Variants in S100A9 observed in about 807,000 individuals in gnomAD.
S100A9 encodes S100 calcium binding protein A9, also known as protein S100-A9.
A neutral mutation model predicts 4.3 loss-of-function variants in S100A9; 2 were observed. That is an observed-to-expected ratio of 0.47 (90% CI 0.19 to 1.48). The LOEUF is 1.48. Among genes scored for constraint, S100A9 ranks in the 40% most tolerant of loss-of-function variants. The probability of loss-of-function intolerance (pLI) is 0.24; values close to 1 mark genes in which losing one functional copy is unlikely to be tolerated. For synonymous variants in S100A9, 67 were observed against 54.0 expected (o/e 1.24, Z -1.06); for missense variants, 130 against 144.4 (o/e 0.90, Z 0.51).
chr1:153,358,529 T>A lies in S100A9; in HGVS notation c.150+96T>A, dbSNP rs1024828107. The A allele has an allele frequency of 5.8e-5, 60 of 1,034,788 alleles. No individual in the cohort carries two copies. In the African/African-American group the frequency reaches 9.0e-4, roughly 16 times the overall value. The allele number at this position is 1,034,788 out of a possible 1,614,324, so 64.1% of individuals were successfully genotyped here. A position where few individuals can be genotyped will look rare whatever the true frequency, so the allele number is the denominator to read the frequency against. ...TGGGCTACAGCAATCAAGGGGAAGA[T>A]TTGAGCTCCTGGAGCCCAGCCCCAA... On this transcript the variant is annotated intron_variant, in intron 2 of 2. Coordinates refer to ENST00000368738, the MANE Select transcript of S100A9 (RefSeq NM_002965.4).
chr1:153,360,683 G>A lies in S100A9; in HGVS notation c.190G>A (p.Glu64Lys), dbSNP rs749939191. The stretch of plus-strand genomic sequence containing the variant: ...TGAAAAGGTCATAGAACACATCATG[G>A]AGGACCTGGACACAAATGCAGACAA... ...KNEKVIEHIM[E>K]DLDTNADKQL... Residue 64 changes from glutamate to lysine, a missense_variant, in exon 3 of 3, where the codon GAG (glutamate) becomes AAG (lysine). Glu to Lys is a moderately conservative substitution (Grantham distance 56, BLOSUM62 1). Coordinates refer to ENST00000368738, the MANE Select transcript of S100A9 (RefSeq NM_002965.4). The A allele has an allele frequency of 5.0e-6, 8 of 1,613,838 alleles. No homozygotes were observed. Among genetic ancestry groups the A allele is most frequent in the Non-Finnish European group, 6.8e-6 (8 of 1,179,892 alleles).
chr1:153,360,984 G>A lies in S100A9; in HGVS notation c.*146G>A. On this transcript the variant is annotated 3_prime_UTR_variant, in exon 3 of 3. Transcript: ENST00000368738. ...TGTTATGTCAAACTGTCTTGGCTGT[G>A]GGGCTAGGGGCTGGGGCCAAATAAA... The A allele has an allele frequency of 1.6e-6, 1 of 623,546 alleles. No homozygotes were observed. The highest frequency in any genetic ancestry group is 2.0e-5 in the South Asian group (1 of 49,022). The allele number at this position is 623,546 out of a possible 1,614,324, so 38.6% of individuals were successfully genotyped here.
chr1:153,358,354 T>C lies in S100A9; in HGVS notation c.71T>C (p.Val24Ala). The C allele has an allele frequency of 6.2e-7, 1 of 1,613,344 alleles. No individual in the cohort carries two copies. The highest frequency in any genetic ancestry group is 8.5e-7 in the Non-Finnish European group (1 of 1,179,504). The change falls in exon 2 of 3, where the codon GTG becomes GCG. Residue 24 changes from valine to alanine, a missense_variant. Coordinates refer to ENST00000368738, the MANE Select transcript of S100A9 (RefSeq NM_002965.4). Reference protein sequence around the residue: ...TIINTFHQYSVKLGHPDTLNQ... With the variant: ...TIINTFHQYSAKLGHPDTLNQ... ...ATCAACACCTTCCACCAATACTCTG[T>C]GAAGCTGGGGCACCCAGACACCCTG...
At chr1:153,359,142 T>C (rs1177614514) in intron 2 of S100A9, among the ~76,000 whole-genome samples, 4 of 152,126 alleles carry the variant, frequency 2.6e-5, no homozygotes, top group Admixed American at 2.6e-4. Context: ...ACAGCCTTTT[T>C]GTTTTCTTTT....
In S100A9 at chr1:153,360,923, G is replaced by A. The variant is rs1661440817; in HGVS notation, c.*85G>A. ...CCACAGCCACTAATCAGGAGGCCAG[G>A]CCACCCTGCCTCTACCCAACCAGGG... On this transcript the variant is annotated 3_prime_UTR_variant, in exon 3 of 3. Transcript: ENST00000368738. 2 of 1,086,858 alleles carry A rather than the reference G, an allele frequency of 1.8e-6. No individual in the cohort carries two copies. The highest frequency in any genetic ancestry group is 2.6e-6 in the Non-Finnish European group (2 of 771,050). 67.3% of individuals were successfully genotyped at this position (1,086,858 alleles called of 1,614,324 possible).
intron 1 of S100A9, among the ~76,000 whole-genome samples, 151 bp downstream of exon 1, chr1:153,358,032 A>T (rs1340045808): frequency 6.6e-6 from 1 of 152,204 alleles, no homozygotes. Flanking sequence ...TTCTTAGGTC[A>T]TGTTCCCCTG....
Position 153,360,775 on chromosome 1 carries a change from G to A in S100A9, c.282G>A (p.Met94Ile), listed in dbSNP as rs372772797. Residue 94 changes from methionine (M) to isoleucine (I), a missense_variant, in exon 3 of 3, where the codon ATG becomes ATA. Met to Ile is a conservative substitution (Grantham distance 10). Coordinates refer to ENST00000368738, the MANE Select transcript of S100A9 (RefSeq NM_002965.4). ...ARLTWASHEK[M>I]HEGDEGPGHH... is the part of the protein sequence containing the mutation. ...TAACCTGGGCCTCCCACGAGAAGAT[G>A]CACGAGGGTGACGAGGGCCCTGGCC... 1.8e-5 allele frequency: 29 copies of A among 1,613,966 alleles called. No individual in the cohort carries two copies. The highest frequency in any genetic ancestry group is 2.4e-5 in the Non-Finnish European group (28 of 1,179,986).
Position 153,357,897 on chromosome 1 carries a change from G to C in S100A9, c.-16+16G>C, listed in dbSNP as rs1010541745. 1.9e-5 allele frequency: 3 copies of C among 157,462 alleles called. No homozygotes were observed. The highest frequency in any genetic ancestry group is 4.2e-5 in the Non-Finnish European group (3 of 71,254). 9.8% of individuals were successfully genotyped at this position (157,462 alleles called of 1,614,324 possible). On this transcript the variant is annotated intron_variant, in intron 1 of 2. Coordinates refer to ENST00000368738, the MANE Select transcript of S100A9 (RefSeq NM_002965.4). ...CTCGGCTTTGGTAAGTGAGCTGCCA[G>C]CTTCCCCAGGCAGAAGCCTGCCTGC...
chr1:153,360,583 T>A, intron 2 of S100A9, 61 bp from the exon 3 acceptor site: 1 of 1,120,934 alleles, frequency 8.9e-7, no homozygotes, highest in Middle Eastern at 2.0e-4. Flanking sequence ...TCATTTACTG[T>A]GCTCCCAGTC....
chr1:153,359,471 C>T (rs117706703), intron 2 of S100A9, among the ~76,000 whole-genome samples: 1 of 152,156 alleles, frequency 6.6e-6, no homozygotes, highest in East Asian at 1.9e-4. Flanking sequence ...CTGACATCCC[C>T]CACCAGAAGC....
chr1:153,358,606 C>T (rs910977868), intron 2 of S100A9, among the ~76,000 whole-genome samples, 173 bp downstream of exon 2: 5 of 152,120 alleles, frequency 3.3e-5, no homozygotes, highest in Admixed American at 6.5e-5. Flanking sequence ...TTACACAGGA[C>T]GACAGGGTCA....
Position 153,360,915 on chromosome 1 carries a change from G to GAGGCC in S100A9, c.*84_*88dup. On this transcript the variant is annotated 3_prime_UTR_variant, in exon 3 of 3. Transcript: ENST00000368738. ...GGCCACGGCCACAGCCACTAATCAG[G>GAGGCC]AGGCCAGGCCACCCTGCCTCTACCC... 1.7e-6 allele frequency: 2 copies of GAGGCC among 1,193,678 alleles called. No individual in the cohort carries two copies. Among genetic ancestry groups the GAGGCC allele is most frequent in the Non-Finnish European group, 1.2e-6 (1 of 865,524 alleles). 73.9% of individuals were successfully genotyped at this position (1,193,678 alleles called of 1,614,324 possible).
At chr1:153,358,170 C>T in intron 1 of S100A9, 99 bp from the exon 2 acceptor site, 3 of 740,862 alleles carry the variant, frequency 4.0e-6, no homozygotes, top group Non-Finnish European at 4.3e-6. Context: ...TTATTTTGCA[C>T]TTCCCCCACT....
At chr1:153,359,023 G>A (rs1391645301) in intron 2 of S100A9, among the ~76,000 whole-genome samples, 3 of 152,094 alleles carry the variant, frequency 2.0e-5, no homozygotes, top group Non-Finnish European at 2.9e-5. Flanking sequence ...GAAAATGAAT[G>A]CATAAAGAGC....
rs1661387654 is a variant in S100A9, at chr1:153,358,447, C to G, written c.150+14C>G. 2 of 1,584,296 alleles carry G rather than the reference C, an allele frequency of 1.3e-6. No individual in the cohort carries two copies. The highest frequency in any genetic ancestry group is 2.3e-5 in the South Asian group (2 of 87,332). On this transcript the variant is annotated intron_variant, in intron 2 of 2. Transcript: ENST00000368738. ...AATTTTCTCAAGGTAGGGCTGGACT[C>G]TGGCAGGTCTGACCCAGCCTCACCG...
intron 2 of S100A9, among the ~76,000 whole-genome samples, chr1:153,359,469 C>A (rs193268417): frequency 2.0e-5 from 3 of 152,056 alleles, no homozygotes; most frequent in Non-Finnish European, 4.4e-5. Context: ...ACCTGACATC[C>A]CCCACCAGAA....
At chr1:153,360,508 A>G in intron 2 of S100A9, 136 bp from the exon 3 acceptor site, 2 of 616,650 alleles carry the variant, frequency 3.2e-6, no homozygotes, top group South Asian at 4.0e-5. Context: ...CACTCAGCCT[A>G]TGGTCATTTT....
chr1:153,360,269 G>C (rs1661423981), intron 2 of S100A9, among the ~76,000 whole-genome samples: 1 of 152,072 alleles, frequency 6.6e-6, no homozygotes, highest in Non-Finnish European at 1.5e-5. Context: ...ACCCTCTCTA[G>C]GACTGGTTTC....
At chr1:153,359,366 G>A (rs1047336951) in intron 2 of S100A9, among the ~76,000 whole-genome samples, 3 of 152,154 alleles carry the variant, frequency 2.0e-5, no homozygotes, top group African/African-American at 7.2e-5. Context: ...AGGCAGGCAG[G>A]ATGCTGGGTG....
Sources: gnomAD v4.1 joint callset for allele counts (sites outside exome capture counted in the v4.1 genomes callset) on GRCh38, gnomAD v4.1.1 for gene constraint, MANE v1.5 for transcripts, NCBI Gene and HGNC (gene_info 2026-07-23, HGNC 2026-07-21) for gene names.